Variants in GLI2 observed in about 807,000 individuals in gnomAD.
GLI2 encodes transcription activator GLI2.
A neutral mutation model predicts 78.9 loss-of-function variants in GLI2; 22 were observed. That is an observed-to-expected ratio of 0.28 (90% CI 0.20 to 0.40). GLI2 has a LOEUF of 0.40. Ranked by LOEUF, GLI2 falls within the 10% of genes least tolerant of loss-of-function variation. The pLI is 1.00. For missense variants in GLI2, 2,097 were observed against 2,213.2 expected, an observed-to-expected ratio of 0.95 and a Z score of 1.05; for synonymous variants, 974 against 963.7, an observed-to-expected ratio of 1.01 and a Z score of -0.20.
At position 120,989,953 on chromosome 2, in the gene GLI2, C is replaced by G; in HGVS notation, c.3988C>G (p.Arg1330Gly). 6.2e-7 allele frequency: 1 copy of G among 1,610,994 alleles called. No homozygotes were observed. The highest frequency in any genetic ancestry group is 8.5e-7 in the Non-Finnish European group (1 of 1,179,090). ...YHQVPSLLPA[R>G]QPGFMEPQTG... ...CCAGGTCCCCAGCCTTCTGCCTGCCCGCCAGCCTGGCTTCATGGAGCCCCA... is the reference window on the plus strand; with the variant it reads ...CCAGGTCCCCAGCCTTCTGCCTGCCGGCCAGCCTGGCTTCATGGAGCCCCA... The change falls in exon 14 of 14, where the codon CGC (arginine) becomes GGC (glycine). Residue 1330 changes from arginine (R) to glycine (G), a missense_variant. Coordinates refer to ENST00000361492, the MANE Select transcript of GLI2 (RefSeq NM_001374353.1).
At chr2:120,820,218 G>C (rs1668521589) in intron 2 of GLI2, among the ~76,000 whole-genome samples, 1 of 152,240 alleles carries the variant, frequency 6.6e-6, no homozygotes, top group African/African-American at 2.4e-5. Flanking sequence ...AATCAGGACA[G>C]TGGAGCGAAG....
intron 1 of GLI2, among the ~76,000 whole-genome samples, chr2:120,746,172 C>T (rs1363251740): frequency 6.6e-6 from 1 of 152,352 alleles, no homozygotes; most frequent in East Asian, 1.9e-4. Context: ...TCAGGAAAAG[C>T]TGGAGCAGGG....
Position 120,968,875 on chromosome 2 carries a change from G to A in GLI2, c.805G>A (p.Ala269Thr). ...CAACAACTCCCGAAGCAGCTCGGCG[G>A]CCAGCGGTTCCTACGGGCATCTGTC... is the stretch of plus-strand genomic sequence containing the variant. ...YINNSRSSSA[A>T]SGSYGHLSAG... Residue 269 changes from alanine to threonine, a missense_variant, in exon 6 of 14, where the codon GCC (alanine) becomes ACC (threonine). Physicochemically the swap from Ala to Thr is moderately conservative, Grantham distance 58. Around this residue, in one of 5 missense-constraint regions of GLI2, gnomAD observed 578 missense variants for 612.0 expected, o/e 0.94. Transcript: ENST00000361492. The A allele has an allele frequency of 1.2e-6, 2 of 1,613,418 alleles. No homozygotes were observed. The highest frequency in any genetic ancestry group is 1.7e-6 in the Non-Finnish European group (2 of 1,179,962).
intron 1 of GLI2, among the ~76,000 whole-genome samples, chr2:120,762,898 G>A (rs748884719): frequency 8.5e-5 from 13 of 152,314 alleles, no homozygotes; most frequent in Middle Eastern, 3.4e-3. Context: ...GTGAAGTTTC[G>A]GCGCTGAAGG....
At chr2:120,933,880 TGCCC>T (rs1680068969) in intron 3 of GLI2, among the ~76,000 whole-genome samples, 1 of 140,182 alleles carries the variant, frequency 7.1e-6, no homozygotes, top group East Asian at 2.1e-4. Flanking sequence ...TGCCCTGCCC[TGCCC>T]TGCCCTGGGG....
At chr2:120,973,301 A>G (rs1043547802) in intron 8 of GLI2, among the ~76,000 whole-genome samples, 3 of 152,184 alleles carry the variant, frequency 2.0e-5, no homozygotes, top group African/African-American at 7.2e-5. Context: ...AGGGAAGATA[A>G]ACACGCCAGA....
At chr2:120,924,302 C>T (rs1679550237) in intron 2 of GLI2, among the ~76,000 whole-genome samples, 1 of 152,066 alleles carries the variant, frequency 6.6e-6, no homozygotes, top group Admixed American at 6.5e-5. Context: ...CGTGGTGGGT[C>T]GATGGGGGTC....
At position 120,848,872 on chromosome 2, in the gene GLI2, C is replaced by A. The variant is rs147208788; in HGVS notation, c.148+51404C>A. On this transcript the variant is annotated intron_variant, in intron 2 of 13. Coordinates refer to ENST00000361492, the MANE Select transcript of GLI2 (RefSeq NM_001374353.1). ...TCTGGAGAGCGGAGCGGCACTCCTG[C>A]CCCTGTGTGACAAGGACAGGTCTGC... Among the ~76,000 whole-genome samples the A allele has an allele frequency of 3.7e-3, 569 of 152,280 alleles. 2 individuals are homozygous for A. The highest frequency in any genetic ancestry group is 0.013 in the African/African-American group (538 of 41,546).
At chr2:120,783,546 G>T (rs2104673288) in intron 1 of GLI2, among the ~76,000 whole-genome samples, 1 of 152,214 alleles carries the variant, frequency 6.6e-6, no homozygotes, top group South Asian at 2.1e-4. Flanking sequence ...GTCATCGAAA[G>T]GAGAGGGGGA....
At chr2:120,880,206 A>G (rs995556558) in intron 2 of GLI2, among the ~76,000 whole-genome samples, 4 of 152,196 alleles carry the variant, frequency 2.6e-5, no homozygotes, top group African/African-American at 9.6e-5. Context: ...GCAAACAGGT[A>G]GTGCTGAGTG....
intron 2 of GLI2, among the ~76,000 whole-genome samples, chr2:120,870,201 C>T (rs985232914): frequency 3.9e-5 from 6 of 152,258 alleles, no homozygotes; most frequent in African/African-American, 7.2e-5. Context: ...TCCTCCTGTA[C>T]GCTGAGCTGT....
chr2:120,907,289 T>C (rs1382288458), intron 2 of GLI2, among the ~76,000 whole-genome samples: 1 of 152,174 alleles, frequency 6.6e-6, no homozygotes, highest in East Asian at 1.9e-4. Context: ...CCTTGAGACC[T>C]GGCCCAGCAC....
At chr2:120,904,562 A>G (rs1474231399) in intron 2 of GLI2, among the ~76,000 whole-genome samples, 1 of 152,184 alleles carries the variant, frequency 6.6e-6, no homozygotes, top group Non-Finnish European at 1.5e-5. Context: ...CGGCCTGCCA[A>G]GGGAAGTGGC....
intron 2 of GLI2, among the ~76,000 whole-genome samples, chr2:120,855,820 C>T (rs956363327): frequency 1.3e-5 from 2 of 152,206 alleles, no homozygotes; most frequent in African/African-American, 4.8e-5. Context: ...GTGGAGCAGC[C>T]TTCCAGCCCT....
intron 5 of GLI2, among the ~76,000 whole-genome samples, chr2:120,961,600 G>A (rs1028805852): frequency 1.3e-5 from 2 of 152,152 alleles, no homozygotes; most frequent in African/African-American, 2.4e-5. Flanking sequence ...TCTGAGCCTC[G>A]CTGCTCCACG....
intron 1 of GLI2, among the ~76,000 whole-genome samples, chr2:120,782,397 G>A (rs375976965): frequency 1.3e-5 from 2 of 152,186 alleles, no homozygotes; most frequent in Non-Finnish European, 2.9e-5. Flanking sequence ...TGTGTGTGGG[G>A]TGCAGTACTA....
chr2:120,838,337 T>C (rs548282113), intron 2 of GLI2, among the ~76,000 whole-genome samples: 1 of 152,304 alleles, frequency 6.6e-6, no homozygotes, highest in South Asian at 2.1e-4. Flanking sequence ...GTAGTTAAAT[T>C]TTATATATTG....
At chr2:120,988,027 A>C (rs942821482) in intron 13 of GLI2, among the ~76,000 whole-genome samples, 181 bp from the exon 14 acceptor site, 3 of 152,216 alleles carry the variant, frequency 2.0e-5, no homozygotes, top group Non-Finnish European at 4.4e-5. Flanking sequence ...CAGGAGTTCA[A>C]GGCCAGCCTG....
chr2:120,927,540 G>A (rs1679747024), intron 3 of GLI2, 74 bp downstream of exon 3: 1 of 928,356 alleles, frequency 1.1e-6, no homozygotes, highest in Non-Finnish European at 1.8e-6. Flanking sequence ...GGCAGCCTCA[G>A]CCACATCTCC....
Sources: gnomAD v4.1 joint callset for allele counts (sites outside exome capture counted in the v4.1 genomes callset) on GRCh38, gnomAD v4.1.1 for gene constraint, gnomAD v4.1.1 regional missense constraint, MANE v1.5 for transcripts, NCBI Gene and HGNC (gene_info 2026-07-23, HGNC 2026-07-21) for gene names.